The following SLC24A2 variants were observed in gnomAD, a reference collection of about 807,000 sequenced individuals.
SLC24A2 encodes the protein solute carrier family 24 member 2, also known as sodium/potassium/calcium exchanger 2.
In SLC24A2, 36 loss-of-function variants were observed where a neutral mutation model predicts 62.0. That is an observed-to-expected ratio of 0.58 (90% CI 0.44 to 0.77). SLC24A2 has a LOEUF of 0.77. SLC24A2 is among the 30% of genes least tolerant of loss of function. SLC24A2 has a pLI of 0.00. For synonymous variants in SLC24A2, 358 were observed against 294.0 expected, an observed-to-expected ratio of 1.22 and a Z score of -2.23; for missense variants, 846 against 817.9, an observed-to-expected ratio of 1.03 and a Z score of -0.42.
At chr9:19,533,288 T>C (rs769866041) in intron 8 of SLC24A2, among the ~76,000 whole-genome samples, 6 of 152,184 alleles carry the variant, frequency 3.9e-5, no homozygotes, top group Admixed American at 1.3e-4. Context: ...TATGTATTAG[T>C]TAATTTTTCC....
Position 19,513,909 on chromosome 9 carries a change from A to C in SLC24A2, c.*2244T>G. The C allele has an allele frequency of 6.6e-6, 1 of 152,196 alleles. No individual in the cohort carries two copies. The highest frequency in any genetic ancestry group is 1.5e-5 in the Non-Finnish European group (1 of 68,044). 9.4% of individuals were successfully genotyped at this position (152,196 alleles called of 1,614,324 possible). ...AGGACAAATTCTTGCCCCAGTACAA[A>C]GTCCTGACCTTGATGAATGAGATTC... On this transcript the variant is annotated 3_prime_UTR_variant, in exon 11 of 11. Coordinates refer to ENST00000341998, the MANE Select transcript of SLC24A2 (RefSeq NM_020344.4).
chr9:19,981,200 A>G, the SLC24A2 span, among the ~76,000 whole-genome samples: 1 of 152,228 alleles, frequency 6.6e-6, no homozygotes, highest in East Asian at 1.9e-4. Context: ...TGTTCTCCAA[A>G]CAACTTCACA....
At chr9:19,822,824 T>C in the SLC24A2 span, among the ~76,000 whole-genome samples, 2 of 152,136 alleles carry the variant, frequency 1.3e-5, no homozygotes, top group Admixed American at 6.5e-5. Flanking sequence ...CATATCCTAG[T>C]TCCTTAACAC....
the SLC24A2 span, among the ~76,000 whole-genome samples, chr9:20,168,939 T>C: frequency 6.6e-6 from 1 of 152,026 alleles, no homozygotes; most frequent in Non-Finnish European, 1.5e-5. Flanking sequence ...TAGCCAAAGA[T>C]GTAAACAACC....
At chr9:20,167,482 T>C in the SLC24A2 span, among the ~76,000 whole-genome samples, 3 of 151,854 alleles carry the variant, frequency 2.0e-5, no homozygotes, top group African/African-American at 7.3e-5. Flanking sequence ...ATTTTGCAAA[T>C]AGATAGATAG....
the SLC24A2 span, among the ~76,000 whole-genome samples, chr9:19,960,300 C>G: frequency 6.6e-6 from 1 of 152,192 alleles, no homozygotes; most frequent in Non-Finnish European, 1.5e-5. Context: ...CCATTCTGTT[C>G]CCTTCCATTT....
chr9:20,035,872 G>C, the SLC24A2 span, among the ~76,000 whole-genome samples: 1 of 152,328 alleles, frequency 6.6e-6, no homozygotes, highest in African/African-American at 2.4e-5. Flanking sequence ...CTGCCTTGCT[G>C]TTCCCTAGAA....
the SLC24A2 span, among the ~76,000 whole-genome samples, chr9:20,221,032 T>A: frequency 1.3e-5 from 2 of 152,142 alleles, no homozygotes; most frequent in African/African-American, 4.8e-5. Flanking sequence ...AGGCAAAAAA[T>A]TCTGATTCTT....
At chr9:19,884,321 C>T in the SLC24A2 span, among the ~76,000 whole-genome samples, 1 of 152,184 alleles carries the variant, frequency 6.6e-6, no homozygotes, top group Non-Finnish European at 1.5e-5. Context: ...AAAATGCCTG[C>T]TAATCAATAC....
chr9:19,706,532 A>C (rs1009317679), intron 2 of SLC24A2, among the ~76,000 whole-genome samples: 1 of 151,902 alleles, frequency 6.6e-6, no homozygotes, highest in Non-Finnish European at 1.5e-5. Flanking sequence ...GGCACGCGCC[A>C]CCATGCCCGG....
At chr9:19,573,618 A>T (rs1835917409) in intron 6 of SLC24A2, 149 bp from the exon 7 acceptor site, 1 of 740,300 alleles carries the variant, frequency 1.4e-6, no homozygotes, top group Non-Finnish European at 2.4e-6. Context: ...ATGTTGGGCT[A>T]AAGCAGAGGA....
intron 2 of SLC24A2, among the ~76,000 whole-genome samples, chr9:19,757,068 C>T (rs1406106743): frequency 6.6e-6 from 1 of 151,814 alleles, no homozygotes; most frequent in Non-Finnish European, 1.5e-5. Flanking sequence ...AGGCATTGTG[C>T]CCAGCCTGAA....
At chr9:20,165,012 T>A in the SLC24A2 span, among the ~76,000 whole-genome samples, 2 of 146,376 alleles carry the variant, frequency 1.4e-5, no homozygotes, top group Admixed American at 6.8e-5. Context: ...GAGGGATAGC[T>A]TTAGGAGATA....
chr9:20,194,119 T>C, the SLC24A2 span, among the ~76,000 whole-genome samples: 1 of 152,052 alleles, frequency 6.6e-6, no homozygotes, highest in Non-Finnish European at 1.5e-5. Flanking sequence ...ACTCCTTCCA[T>C]CTTTCCACTA....
At chr9:20,032,073 C>G in the SLC24A2 span, among the ~76,000 whole-genome samples, 1 of 152,120 alleles carries the variant, frequency 6.6e-6, no homozygotes, top group Non-Finnish European at 1.5e-5. Context: ...CTGATGGGCT[C>G]CTATGTATTT....
At chr9:20,183,582 T>G in the SLC24A2 span, among the ~76,000 whole-genome samples, 1 of 152,206 alleles carries the variant, frequency 6.6e-6, no homozygotes, top group Admixed American at 6.5e-5. Flanking sequence ...ACTTGTAGAG[T>G]TGCCCAACCT....
chr9:20,167,774 C>A, the SLC24A2 span, among the ~76,000 whole-genome samples: 36,853 of 151,820 alleles, frequency 0.24, 5,545 homozygotes, highest in African/African-American at 0.43. Context: ...GGCTGGAGTG[C>A]AGTGGCAAGA....
chr9:20,230,002 T>G, the SLC24A2 span, among the ~76,000 whole-genome samples: 1 of 151,952 alleles, frequency 6.6e-6, no homozygotes, highest in East Asian at 1.9e-4. Context: ...TTTGTCCTTG[T>G]GATAGTTTGC....
the SLC24A2 span, among the ~76,000 whole-genome samples, chr9:19,923,317 A>G: frequency 2.6e-5 from 4 of 152,336 alleles, no homozygotes; most frequent in East Asian, 1.9e-4. Flanking sequence ...ATAATAGATG[A>G]CACGTTTAAC....
Sources: allele counts gnomAD v4.1 joint callset (sites outside exome capture counted in the v4.1 genomes callset), GRCh38; gene constraint gnomAD v4.1.1; transcripts MANE v1.5; gene names NCBI Gene and HGNC (gene_info 2026-07-23, HGNC 2026-07-21).